Variants in KCNJ6 observed in about 807,000 individuals in gnomAD.
KCNJ6 encodes the protein potassium inwardly rectifying channel subfamily J member 6, also known as G protein-activated inward rectifier potassium channel 2.
Under a neutral mutation model 34.2 loss-of-function variants are expected in KCNJ6, and 9 were observed. The ratio of observed to expected loss-of-function variants is 0.26; its 90% CI spans 0.16 to 0.46. The LOEUF (loss-of-function observed/expected upper bound fraction) is 0.46. KCNJ6 is among the 20% of genes least tolerant of loss of function. The pLI, the probability that KCNJ6 is intolerant of heterozygous loss-of-function variation, is 1.00. For missense variants in KCNJ6, 236 were observed against 531.3 expected, an observed-to-expected ratio of 0.44 and a Z score of 5.46; for synonymous variants, 196 against 207.1, an observed-to-expected ratio of 0.95 and a Z score of 0.46.
At chr21:37,877,164 C>G (rs763088979) in intron 1 of KCNJ6, among the ~76,000 whole-genome samples, 13 of 152,126 alleles carry the variant, frequency 8.5e-5, no homozygotes, top group Non-Finnish European at 1.6e-4. Context: ...CCCACCAACG[C>G]CTAATTGGGG....
At chr21:37,655,738 CATGA>C (rs1428385702) in intron 3 of KCNJ6, among the ~76,000 whole-genome samples, 1,783 of 114,050 alleles carry the variant, frequency 0.016, 32 homozygotes, top group African/African-American at 0.079. Context: ...TCTGTGTCAG[CATGA>C]CTCCCATGCA....
intron 3 of KCNJ6, among the ~76,000 whole-genome samples, chr21:37,636,156 A>G (rs912026792): frequency 2.6e-5 from 4 of 152,306 alleles, no homozygotes; most frequent in Non-Finnish European, 4.4e-5. Flanking sequence ...TCCCTGTTCT[A>G]TCTGGGTCCT....
At chr21:37,772,758 AT>A (rs991253351) in intron 2 of KCNJ6, among the ~76,000 whole-genome samples, 1 of 152,166 alleles carries the variant, frequency 6.6e-6, no homozygotes, top group Non-Finnish European at 1.5e-5. Flanking sequence ...ACTTCTAAAC[AT>A]TTTTATTCTT....
At chr21:37,809,292 G>A (rs1018587975) in intron 2 of KCNJ6, among the ~76,000 whole-genome samples, 15 of 151,462 alleles carry the variant, frequency 9.9e-5, no homozygotes, top group African/African-American at 2.2e-4. Context: ...ACCAAACACC[G>A]CATGTTCTCA....
Position 37,840,523 on chromosome 21 carries a change from G to T in KCNJ6, c.25+135C>A, listed in dbSNP as rs2055474878. 8 of 639,440 alleles carry T rather than the reference G, an allele frequency of 1.3e-5. No individual in the cohort carries two copies. The South Asian group carries it at 1.6e-4, about 13-fold the overall frequency. 39.6% of individuals were successfully genotyped at this position (639,440 alleles called of 1,614,324 possible). Reference sequence around the variant, plus strand: ...AAGTAACATCAACATGATGCAGTGTGTGTGAAACAGATCTCGGTCCCGTAA... The same window carrying T: ...AAGTAACATCAACATGATGCAGTGTTTGTGAAACAGATCTCGGTCCCGTAA... On this transcript the variant is annotated intron_variant, in intron 2 of 3. Transcript: ENST00000609713.
At chr21:37,795,539 G>A (rs1010428306) in intron 2 of KCNJ6, among the ~76,000 whole-genome samples, 11 of 152,130 alleles carry the variant, frequency 7.2e-5, no homozygotes, top group African/African-American at 2.4e-4. Context: ...GAGGTCAGGA[G>A]TTCGAGGCCA....
intron 1 of KCNJ6, among the ~76,000 whole-genome samples, chr21:37,880,091 C>G (rs1344607511): frequency 1.3e-5 from 1 of 78,110 alleles, no homozygotes; most frequent in Non-Finnish European, 2.3e-5. Context: ...AAACCCGGCT[C>G]TAAAAATACA....
intron 1 of KCNJ6, among the ~76,000 whole-genome samples, chr21:37,888,940 C>T (rs955832576): frequency 6.6e-6 from 1 of 152,220 alleles, no homozygotes. Flanking sequence ...CAAGTTACAC[C>T]TCAGTGGAGT....
At chr21:37,818,193 C>CGTGT (rs200661921) in intron 2 of KCNJ6, among the ~76,000 whole-genome samples, 13 of 97,344 alleles carry the variant, frequency 1.3e-4, no homozygotes, top group African/African-American at 4.6e-4. Context: ...CTTAAAAGTG[C>CGTGT]GTGTGTGTGT....
chr21:37,731,193 C>G (rs2054883178), intron 2 of KCNJ6, among the ~76,000 whole-genome samples: 2 of 151,928 alleles, frequency 1.3e-5, no homozygotes, highest in Non-Finnish European at 2.9e-5. Context: ...TGCCTCACTC[C>G]TGTGTTAATA....
At chr21:37,784,640 G>A (rs1424164301) in intron 2 of KCNJ6, among the ~76,000 whole-genome samples, 4 of 152,152 alleles carry the variant, frequency 2.6e-5, no homozygotes, top group East Asian at 1.9e-4. Context: ...GCACTGAGTC[G>A]AAGTGAATGT....
intron 1 of KCNJ6, among the ~76,000 whole-genome samples, chr21:37,840,961 T>C (rs1360348877): frequency 6.6e-6 from 1 of 152,202 alleles, no homozygotes; most frequent in African/African-American, 2.4e-5. Context: ...CTTGGATATA[T>C]ATAATTGGTG....
chr21:37,731,952 A>G (rs1165226280), intron 2 of KCNJ6, among the ~76,000 whole-genome samples: 1 of 152,204 alleles, frequency 6.6e-6, no homozygotes, highest in Non-Finnish European at 1.5e-5. Context: ...GACTCTGAAT[A>G]GGGTGGTCAG....
chr21:37,818,347 C>A (rs2835986), intron 2 of KCNJ6, among the ~76,000 whole-genome samples: 83,366 of 151,888 alleles, frequency 0.55, 23,397 homozygotes, highest in East Asian at 0.79. Context: ...CAAGCTTCTG[C>A]AGCGTCTAAT....
In KCNJ6 at chr21:37,796,894, C is replaced by A. The variant is rs372397878; in HGVS notation, c.25+43764G>T. On this transcript the variant is annotated intron_variant, in intron 2 of 3. Transcript: ENST00000609713. ...CTGCAAGCTCCGCTTCCCGGGTTCA[C>A]GCCATTCTCCTGCCTCAGCCTCCCG... is the stretch of plus-strand genomic sequence containing the variant. 5.2e-4 allele frequency among the ~76,000 whole-genome samples: 76 copies of A among 147,196 alleles called. No homozygotes were observed. In the South Asian group the frequency reaches 8.4e-3, roughly 16 times the overall value.
intron 1 of KCNJ6, among the ~76,000 whole-genome samples, chr21:37,859,511 AT>A (rs1345442184): frequency 1.0e-3 from 125 of 122,474 alleles, no homozygotes; most frequent in East Asian, 7.2e-3. Flanking sequence ...ATATATATAT[AT>A]ATATATATAT....
chr21:37,887,106 T>C (rs1428281322), intron 1 of KCNJ6, among the ~76,000 whole-genome samples: 1 of 152,108 alleles, frequency 6.6e-6, no homozygotes, highest in African/African-American at 2.4e-5. Flanking sequence ...TATGGTCTCC[T>C]GGTGACCAAG....
chr21:37,786,781 C>T (rs1466685320), intron 2 of KCNJ6, among the ~76,000 whole-genome samples: 1 of 152,208 alleles, frequency 6.6e-6, no homozygotes, highest in African/African-American at 2.4e-5. Context: ...ATGGTATCTT[C>T]ATTTTAAAAT....
At chr21:37,750,636 C>A (rs2054990547) in intron 2 of KCNJ6, among the ~76,000 whole-genome samples, 1 of 152,058 alleles carries the variant, frequency 6.6e-6, no homozygotes, top group South Asian at 2.1e-4. Flanking sequence ...GAACAGAAAA[C>A]CAAACACCAC....
Sources: gnomAD v4.1 joint callset for allele counts (sites outside exome capture counted in the v4.1 genomes callset) on GRCh38, gnomAD v4.1.1 for gene constraint, MANE v1.5 for transcripts, NCBI Gene and HGNC (gene_info 2026-07-23, HGNC 2026-07-21) for gene names.